The following MAP4K4 variants were observed in gnomAD, a reference collection of about 807,000 sequenced individuals.
MAP4K4 encodes mitogen-activated protein kinase kinase kinase kinase 4.
Under a neutral mutation model 189.6 loss-of-function variants are expected in MAP4K4, and 38 were observed. That is an observed-to-expected ratio of 0.20 (90% CI 0.15 to 0.26). The LOEUF (loss-of-function observed/expected upper bound fraction) is 0.26, where lower values mean the gene tolerates loss of function less well. MAP4K4 is among the 10% of genes least tolerant of loss of function. MAP4K4 has a pLI of 1.00. For missense variants in MAP4K4, 1,054 were observed against 1,726.9 expected (o/e 0.61, Z 6.91); for synonymous variants, 610 against 624.3 (o/e 0.98, Z 0.34).
intron 12 of MAP4K4, among the ~76,000 whole-genome samples, 160 bp from the exon 13 acceptor site, chr2:101,855,817 T>C (rs923323225): frequency 3.9e-5 from 6 of 152,260 alleles, no homozygotes; most frequent in East Asian, 3.9e-4. Flanking sequence ...CCCTTACTTA[T>C]GGGTCCGAGG....
exon 31 of MAP4K4, chr2:101,887,816 C>T: frequency 6.2e-7 from 1 of 1,613,206 alleles, no homozygotes; most frequent in Non-Finnish European, 8.5e-7. Context: ...TCATCATCCT[C>T]CCCAATACAG....
In MAP4K4 at chr2:101,712,180, TTTTA is replaced by T. The variant is rs1422749594; in HGVS notation, c.123+13649_123+13652del. ...TATAGTTTTTTAGTATACATTTCAC[TTTTA>T]TTTATTATTTATTTATTTTTATTTT... On this transcript the variant is annotated intron_variant, in intron 2 of 32. Transcript: ENST00000324219. 2.4e-4 allele frequency among the ~76,000 whole-genome samples: 37 copies of T among 152,070 alleles called. No individual in the cohort carries two copies. The East Asian group carries it at 6.4e-3, about 26-fold the overall frequency.
At chr2:101,859,590 A>G in intron 14 of MAP4K4, 53 bp from the exon 15 acceptor site, 2 of 1,313,996 alleles carry the variant, frequency 1.5e-6, no homozygotes, top group Non-Finnish European at 2.1e-6. Context: ...TCCAGAGAAG[A>G]GGCGAGCTCT....
At chr2:101,828,050 A>T (rs2096440496) in intron 5 of MAP4K4, among the ~76,000 whole-genome samples, 1 of 152,250 alleles carries the variant, frequency 6.6e-6, no homozygotes, top group Non-Finnish European at 1.5e-5. Flanking sequence ...CAGAATAATC[A>T]TATAACATTG....
chr2:101,847,677 G>C (rs1272184362), intron 12 of MAP4K4, among the ~76,000 whole-genome samples: 15 of 152,024 alleles, frequency 9.9e-5, no homozygotes, highest in Admixed American at 9.8e-4. Context: ...AAACACAAAA[G>C]AATAAAATTT....
intron 2 of MAP4K4, among the ~76,000 whole-genome samples, chr2:101,711,301 G>A (rs1559045584): frequency 6.6e-6 from 1 of 151,942 alleles, no homozygotes; most frequent in Non-Finnish European, 1.5e-5. Flanking sequence ...AAAAGATAAA[G>A]TTTTTTTGCT....
In MAP4K4 at chr2:101,840,401, T is replaced by C. The variant is rs1434634411; in HGVS notation, c.949+407T>C. On this transcript the variant is annotated intron_variant, in intron 10 of 32. Transcript: ENST00000324219. ...GAACCCCCGCTCAGGGGATTTTTAC[T>C]GCTCTACTCTATTACAAGCGGTGTG... 2.0e-5 allele frequency among the ~76,000 whole-genome samples: 3 copies of C among 152,216 alleles called. No individual in the cohort carries two copies. In the East Asian group the frequency reaches 5.8e-4, roughly 29 times the overall value.
At chr2:101,887,136 G>C in exon 30 of MAP4K4, 1 of 1,604,468 alleles carries the variant, frequency 6.2e-7, no homozygotes. Flanking sequence ...TCTCACTGTT[G>C]AGGAAGGCCA....
intron 26 of MAP4K4, among the ~76,000 whole-genome samples, chr2:101,874,779 T>C (rs1396524944): frequency 6.6e-6 from 1 of 152,234 alleles, no homozygotes; most frequent in East Asian, 1.9e-4. Flanking sequence ...TTCAGTACTT[T>C]ATAAAATTAT....
At chr2:101,735,988 C>T (rs901469654) in intron 2 of MAP4K4, among the ~76,000 whole-genome samples, 23 of 152,106 alleles carry the variant, frequency 1.5e-4, no homozygotes, top group African/African-American at 5.6e-4. Flanking sequence ...ATGGTGTTTT[C>T]CCTGTTAAAC....
chr2:101,805,695 A>T (rs1020940119), intron 3 of MAP4K4, among the ~76,000 whole-genome samples: 6 of 152,166 alleles, frequency 3.9e-5, no homozygotes, highest in African/African-American at 1.4e-4. Flanking sequence ...TTTCTGACTT[A>T]ATTGTATTAT....
At chr2:101,768,762 T>C (rs1434315592) in intron 2 of MAP4K4, among the ~76,000 whole-genome samples, 1 of 152,242 alleles carries the variant, frequency 6.6e-6, no homozygotes, top group African/African-American at 2.4e-5. Context: ...CTAAGGGTTT[T>C]AGGAGCCTGT....
intron 2 of MAP4K4, among the ~76,000 whole-genome samples, chr2:101,754,505 C>T (rs1366193632): frequency 2.0e-5 from 3 of 152,048 alleles, no homozygotes; most frequent in African/African-American, 7.2e-5. Flanking sequence ...GTGTGTACCA[C>T]CGTGCCCAGC....
intron 31 of MAP4K4, among the ~76,000 whole-genome samples, chr2:101,888,507 A>C (rs2098520056): frequency 6.6e-6 from 1 of 152,160 alleles, no homozygotes; most frequent in South Asian, 2.1e-4. Context: ...GATTGATAAA[A>C]ATCTGTGCAC....
At chr2:101,875,203 T>C (rs967492810) in intron 26 of MAP4K4, among the ~76,000 whole-genome samples, 2 of 152,216 alleles carry the variant, frequency 1.3e-5, no homozygotes, top group African/African-American at 4.8e-5. Context: ...TGCCTAGATA[T>C]ATGCAGGGAA....
rs1343267956 is a variant in MAP4K4 at position 101,745,341 on chromosome 2, C to A, written c.124-45379C>A. Among the ~76,000 whole-genome samples, 161 of 114,244 alleles carry A rather than the reference C, an allele frequency of 1.4e-3. 15 individuals carry two copies. Among genetic ancestry groups the A allele is most frequent in the African/African-American group, 5.5e-3 (151 of 27,594 alleles). 74.9% of individuals were successfully genotyped at this position (114,244 alleles called of 152,430 possible). ...AGTGAAAATATCACCCCCCCCCCCCCAATACTGCTGTCCTCCCTCCTCCCA... is the reference window on the plus strand; with the variant it reads ...AGTGAAAATATCACCCCCCCCCCCCAAATACTGCTGTCCTCCCTCCTCCCA... On this transcript the variant is annotated intron_variant, in intron 2 of 32. Transcript: ENST00000324219.
intron 2 of MAP4K4, among the ~76,000 whole-genome samples, chr2:101,752,478 A>G (rs1337123786): frequency 6.6e-6 from 1 of 152,120 alleles, no homozygotes; most frequent in Non-Finnish European, 1.5e-5. Flanking sequence ...GCATTTTCTC[A>G]TATCCTTATT....
chr2:101,745,461 ATT>A (rs2065009868), intron 2 of MAP4K4, among the ~76,000 whole-genome samples: 1 of 144,400 alleles, frequency 6.9e-6, no homozygotes, highest in Non-Finnish European at 1.5e-5. Context: ...AAAAAAAAGT[ATT>A]AGAATCTACA....
At chr2:101,843,909 A>G (rs1355412537) in intron 11 of MAP4K4, among the ~76,000 whole-genome samples, 192 bp from the exon 12 acceptor site, 1 of 152,236 alleles carries the variant, frequency 6.6e-6, no homozygotes, top group African/African-American at 2.4e-5. Flanking sequence ...ATATTTACTA[A>G]ATAAGTAAAA....
Sources: allele counts gnomAD v4.1 joint callset (sites outside exome capture counted in the v4.1 genomes callset), GRCh38; gene constraint gnomAD v4.1.1; transcripts MANE v1.5; gene names NCBI Gene and HGNC (gene_info 2026-07-23, HGNC 2026-07-21).